The following ADAM18 variants were observed in gnomAD, a reference collection of about 807,000 sequenced individuals.
ADAM18 encodes the protein ADAM metallopeptidase domain 18.
In ADAM18, 117 loss-of-function variants were observed where a neutral mutation model predicts 94.4. The observed-to-expected ratio is 1.24, with a 90% CI of 1.07 to 1.45. ADAM18 has a LOEUF of 1.45. Among genes scored for constraint, ADAM18 ranks in the 40% most tolerant of loss-of-function variants. The pLI, the probability that ADAM18 is intolerant of heterozygous loss-of-function variation, is 0.00. For missense variants in ADAM18, 936 were observed against 880.0 expected, an observed-to-expected ratio of 1.06 and a Z score of -0.81; for synonymous variants, 327 against 291.6, an observed-to-expected ratio of 1.12 and a Z score of -1.24.
chr8:39,689,825 T>A (rs914730348), intron 16 of ADAM18, among the ~76,000 whole-genome samples: 50 of 152,182 alleles, frequency 3.3e-4, no homozygotes, highest in African/African-American at 1.2e-3. Flanking sequence ...CTTCCTGTCC[T>A]TGAGCATGGA....
chr8:39,651,241 G>C (rs980816097), intron 12 of ADAM18, among the ~76,000 whole-genome samples: 5 of 152,164 alleles, frequency 3.3e-5, no homozygotes, highest in Admixed American at 1.3e-4. Flanking sequence ...TTTACACCAA[G>C]ACGTTCCATT....
chr8:39,726,553 G>C (rs1822917325), intron 19 of ADAM18, among the ~76,000 whole-genome samples: 1 of 151,930 alleles, frequency 6.6e-6, no homozygotes, highest in Non-Finnish European at 1.5e-5. Flanking sequence ...AAGCTTTTTA[G>C]TTTAATGCAA....
intron 6 of ADAM18, among the ~76,000 whole-genome samples, chr8:39,614,147 G>A (rs1209553207): frequency 3.3e-5 from 5 of 152,008 alleles, no homozygotes; most frequent in African/African-American, 1.2e-4. Context: ...AATGCTATAC[G>A]AGACAACCAT....
At chr8:39,683,049 A>G (rs1459294860) in intron 16 of ADAM18, among the ~76,000 whole-genome samples, 1 of 152,202 alleles carries the variant, frequency 6.6e-6, no homozygotes, top group African/African-American at 2.4e-5. Context: ...CAAATAGAGT[A>G]TGGAAAAAAT....
At chr8:39,704,291 C>A (rs78450034) in intron 17 of ADAM18, among the ~76,000 whole-genome samples, 2 of 152,068 alleles carry the variant, frequency 1.3e-5, no homozygotes, top group African/African-American at 4.8e-5. Flanking sequence ...GCATGAACAT[C>A]GATGCAAAAA....
intron 6 of ADAM18, among the ~76,000 whole-genome samples, chr8:39,629,110 G>C (rs776120908): frequency 6.6e-6 from 1 of 151,768 alleles, no homozygotes; most frequent in African/African-American, 2.4e-5. Context: ...GACAGCATAA[G>C]GTGTATTTTT....
rs369119694 is a variant in ADAM18, at chr8:39,637,696, T to G, written c.820T>G (p.Leu274Val). 1 of 1,599,482 alleles carries G rather than the reference T, an allele frequency of 6.3e-7. No homozygotes were observed. ...CCTACGGCCCCATGACATAGCATAC[T>G]TACTTGTGTAAGCACAATGTTCTAC... ...LILRPHDIAY[L>V]LVYRKHPKYV... Residue 274 changes from leucine (L) to valine (V), a missense_variant, in exon 9 of 20, where the codon TTA becomes GTA. Transcript: ENST00000265707.
At position 39,590,351 on chromosome 8, in the gene ADAM18, C is replaced by T. The variant is rs555991853; in HGVS notation, c.132+4999C>T. Among the ~76,000 whole-genome samples the T allele has an allele frequency of 7.9e-3, 1,201 of 152,098 alleles. 18 individuals are homozygous for T. The highest frequency in any genetic ancestry group is 0.027 in the African/African-American group (1,136 of 41,474). Reference sequence around the variant, plus strand: ...ATCGCAAGAACAAAAAACCAAACACCGCATATTCTCACTCATAGGTGGGAA... The same window carrying T: ...ATCGCAAGAACAAAAAACCAAACACTGCATATTCTCACTCATAGGTGGGAA... On this transcript the variant is annotated intron_variant, in intron 2 of 19. Transcript: ENST00000265707.
rs752345891 is a variant in ADAM18, at chr8:39,637,537, A to G, written c.661A>G (p.Met221Val). Residue 221 changes from methionine to valine, a missense_variant and splice_region_variant, in exon 9 of 20, where the codon ATG becomes GTG. Transcript: ENST00000265707. ...AATGTACAATACATCTTATTTTTAG[A>G]TGTTTACCCAGTTCAAATTGACTGT... ...IVQVIGLVNTMFTQFKLTVIL... is the reference protein window; with the variant it reads ...IVQVIGLVNTVFTQFKLTVIL... 3 of 1,595,826 alleles carry G rather than the reference A, an allele frequency of 1.9e-6. No individual in the cohort carries two copies. The East Asian group carries it at 6.7e-5, about 36-fold the overall frequency.
chr8:39,714,664 TAAG>T (rs1277124499), intron 18 of ADAM18, among the ~76,000 whole-genome samples: 2 of 152,208 alleles, frequency 1.3e-5, no homozygotes, highest in South Asian at 2.1e-4. Context: ...AAATCCTCTA[TAAG>T]AGTTGACTAG....
chr8:39,621,600 G>T (rs1451807967), intron 6 of ADAM18, among the ~76,000 whole-genome samples: 3 of 151,778 alleles, frequency 2.0e-5, no homozygotes, highest in Non-Finnish European at 4.4e-5. Context: ...TAAATGCTCA[G>T]ATACTAAAGA....
chr8:39,723,721 C>G (rs1422329001), intron 18 of ADAM18, 27 bp from the exon 19 acceptor site: 1 of 1,409,270 alleles, frequency 7.1e-7, no homozygotes. Context: ...TGAGTCCCCA[C>G]TAATTTATCA....
intron 5 of ADAM18, among the ~76,000 whole-genome samples, chr8:39,609,979 A>C (rs1454317714): frequency 1.3e-5 from 2 of 152,104 alleles, no homozygotes; most frequent in Non-Finnish European, 2.9e-5. Context: ...GGGATAAGTG[A>C]TTTCTGTTAG....
At position 39,610,685 on chromosome 8, in the gene ADAM18, C is replaced by A; in HGVS notation, c.501C>A (p.Tyr167Ter). 1 of 1,613,124 alleles carries A rather than the reference C, an allele frequency of 6.2e-7. No individual in the cohort carries two copies. The change falls in exon 6 of 20, where the codon TAC (tyrosine) becomes TAA (stop). Residue 167 changes from tyrosine to a stop codon, truncating the protein, a stop_gained. Transcript: ENST00000265707. LOFTEE classifies it high-confidence loss of function. ...YSHIWQKDQP[Y>*]KVPLNSQIKN... Reference sequence around the variant, plus strand: ...ATATTTGGCAGAAAGACCAGCCCTACAAAGTTCCTTTAAACTCACAGGTGA... The same window carrying A: ...ATATTTGGCAGAAAGACCAGCCCTAAAAAGTTCCTTTAAACTCACAGGTGA...
chr8:39,597,093 T>C (rs1399947923), intron 2 of ADAM18, among the ~76,000 whole-genome samples: 1 of 152,170 alleles, frequency 6.6e-6, no homozygotes, highest in African/African-American at 2.4e-5. Flanking sequence ...TGATGAGATG[T>C]CTGTTTAGGT....
chr8:39,629,716 C>A (rs1302656532), intron 7 of ADAM18, among the ~76,000 whole-genome samples: 4 of 149,898 alleles, frequency 2.7e-5, no homozygotes, highest in African/African-American at 7.3e-5. Context: ...CTCTTTCTTT[C>A]TTTTTATAAC....
intron 12 of ADAM18, among the ~76,000 whole-genome samples, chr8:39,654,015 G>C (rs1322845075): frequency 6.6e-6 from 1 of 150,948 alleles, no homozygotes; most frequent in Non-Finnish European, 1.5e-5. Flanking sequence ...TCTACTCTCT[G>C]CCTTCATGAG....
At chr8:39,638,343 T>C in intron 9 of ADAM18, 122 bp from the exon 10 acceptor site, 1 of 549,890 alleles carries the variant, frequency 1.8e-6, no homozygotes, top group Non-Finnish European at 3.2e-6. Context: ...TATTACCTAG[T>C]TTGAAGCTTT....
intron 2 of ADAM18, among the ~76,000 whole-genome samples, chr8:39,594,741 T>A (rs1818686051): frequency 6.6e-6 from 1 of 151,542 alleles, no homozygotes; most frequent in African/African-American, 2.4e-5. Flanking sequence ...TTCAAGATTT[T>A]AAAAATTTCC....
Sources: allele counts gnomAD v4.1 joint callset (sites outside exome capture counted in the v4.1 genomes callset), GRCh38; gene constraint gnomAD v4.1.1; transcripts MANE v1.5; gene names NCBI Gene and HGNC (gene_info 2026-07-23, HGNC 2026-07-21).